The following SLC22A23 variants were observed in gnomAD, a reference collection of about 807,000 sequenced individuals.
SLC22A23 encodes the protein solute carrier family 22 member 23.
Under a neutral mutation model 61.0 loss-of-function variants are expected in SLC22A23, and 26 were observed. The observed-to-expected ratio is 0.43, with a 90% CI of 0.31 to 0.59. SLC22A23 has a LOEUF of 0.59. Ranked by LOEUF, SLC22A23 falls within the 20% of genes least tolerant of loss-of-function variation. SLC22A23 has a pLI of 0.11. For missense variants in SLC22A23, 796 were observed against 934.7 expected (o/e 0.85, Z 1.94); for synonymous variants, 430 against 413.9 (o/e 1.04, Z -0.47).
chr6:3,451,665 C>A (rs143087849), intron 1 of SLC22A23, among the ~76,000 whole-genome samples: 357 of 152,248 alleles, frequency 2.3e-3, no homozygotes, highest in African/African-American at 8.2e-3. Flanking sequence ...TGAGCTGCGG[C>A]CCTGTTTGTC....
chr6:3,327,371 C>G lies in SLC22A23; in HGVS notation c.914-3369G>C, dbSNP rs1429177133. Among the ~76,000 whole-genome samples the G allele has an allele frequency of 6.6e-6, 1 of 152,234 alleles. No homozygotes were observed. The highest frequency in any genetic ancestry group is 2.4e-5 in the African/African-American group (1 of 41,470). On this transcript the variant is annotated intron_variant, in intron 3 of 9. Transcript: ENST00000406686. This position sits in a 1 kb window ranked among gnomAD's most constrained non-coding sequence, Gnocchi z 4.1. ...ATTTCTTTGCCAATGGAACCAAACC[C>G]AAATCCTTTTAGTAGATTTTCATTC...
intron 3 of SLC22A23, among the ~76,000 whole-genome samples, chr6:3,367,310 T>C (rs1469542259): frequency 6.6e-6 from 1 of 152,226 alleles, no homozygotes; most frequent in East Asian, 1.9e-4. Context: ...TAGTTGGGTA[T>C]TCAAAGCCTA....
At chr6:3,452,978 G>A (rs1772227582) in intron 1 of SLC22A23, among the ~76,000 whole-genome samples, 1 of 152,180 alleles carries the variant, frequency 6.6e-6, no homozygotes, top group African/African-American at 2.4e-5. Flanking sequence ...ATCATGGTCT[G>A]GAAGCAGAAG....
In SLC22A23 at chr6:3,329,517, C is replaced by A. The variant is rs1763465287; in HGVS notation, c.914-5515G>T. Among the ~76,000 whole-genome samples the A allele has an allele frequency of 6.6e-6, 1 of 152,144 alleles. No individual in the cohort carries two copies. The highest frequency in any genetic ancestry group is 1.5e-5 in the Non-Finnish European group (1 of 68,036). ...GAGGACAGGAATTCACAGAATTGTGCCCGCGGAACAAAGCGTGCCATGCAG... is the reference window on the plus strand; with the variant it reads ...GAGGACAGGAATTCACAGAATTGTGACCGCGGAACAAAGCGTGCCATGCAG... On this transcript the variant is annotated intron_variant, in intron 3 of 9. Transcript: ENST00000406686. This position sits in a 1 kb window ranked among gnomAD's most constrained non-coding sequence, Gnocchi z 4.8.
intron 4 of SLC22A23, among the ~76,000 whole-genome samples, chr6:3,301,802 C>A (rs1314268040): frequency 1.3e-5 from 2 of 152,234 alleles, no homozygotes; most frequent in South Asian, 4.1e-4. Context: ...AAGTGTTACC[C>A]ACAGGGTGGG....
intron 4 of SLC22A23, among the ~76,000 whole-genome samples, chr6:3,302,140 C>G (rs1187404510): frequency 6.6e-6 from 1 of 152,188 alleles, no homozygotes; most frequent in Non-Finnish European, 1.5e-5. Context: ...TTCAGCCTTT[C>G]TATTTCCTCT....
chr6:3,340,035 T>C (rs1164294622), intron 3 of SLC22A23, among the ~76,000 whole-genome samples: 4 of 152,086 alleles, frequency 2.6e-5, no homozygotes, highest in Admixed American at 2.0e-4. Context: ...ATTAAAAATG[T>C]GTCCATGAGA....
intron 3 of SLC22A23, among the ~76,000 whole-genome samples, chr6:3,357,381 G>C (rs755524833): frequency 2.6e-5 from 4 of 152,282 alleles, no homozygotes; most frequent in African/African-American, 9.6e-5. Context: ...ATAGTGTAAG[G>C]ATTAATCGCC....
Position 3,333,885 on chromosome 6 carries a change from C to A in SLC22A23, c.914-9883G>T, listed in dbSNP as rs1763710894. 1.3e-5 allele frequency among the ~76,000 whole-genome samples: 2 copies of A among 152,244 alleles called. No homozygotes were observed. The highest frequency in any genetic ancestry group is 4.8e-5 in the African/African-American group (2 of 41,466). On this transcript the variant is annotated intron_variant, in intron 3 of 9. Coordinates refer to ENST00000406686, the MANE Select transcript of SLC22A23 (RefSeq NM_015482.2). The surrounding 1 kb of genome is among the most constrained non-coding windows in gnomAD (Gnocchi z 4.1). ...GCAGTAATTCTGATGCTGGCTCCAG[C>A]TGAAGAACCACTGCAGTATACTTTG...
rs140616219 is a variant in SLC22A23 at position 3,273,106 on chromosome 6, C to A, written c.2010G>T (p.Ala670=). 6.3e-7 allele frequency: 1 copy of A among 1,598,010 alleles called. No homozygotes were observed. The change falls in exon 10 of 10, where the codon GCG becomes GCT. Residue 670 remains alanine, a synonymous_variant. Transcript: ENST00000406686. The stretch of plus-strand genomic sequence containing the variant: ...TGGCACCCTCGGGCAGTGTGTCACC[C>A]GCGGCTGCGGCATCGTGGAGGCCCG... The part of the protein sequence containing the change: ...DYSGLHDAAA[A]GDTLPEGATA...
chr6:3,358,417 G>A (rs544325065), intron 3 of SLC22A23, among the ~76,000 whole-genome samples: 28 of 152,238 alleles, frequency 1.8e-4, no homozygotes, highest in Admixed American at 1.6e-3. Flanking sequence ...ATTCTGACAC[G>A]TACGACACGT....
At chr6:3,277,752 T>C (rs1160096821) in intron 9 of SLC22A23, among the ~76,000 whole-genome samples, 4 of 152,242 alleles carry the variant, frequency 2.6e-5, no homozygotes, top group East Asian at 1.9e-4. Context: ...ATTTCTAGAC[T>C]GGCCCCAGTA....
intron 3 of SLC22A23, among the ~76,000 whole-genome samples, chr6:3,392,588 C>A (rs1767732827): frequency 6.6e-6 from 1 of 152,104 alleles, no homozygotes; most frequent in African/African-American, 2.4e-5. Flanking sequence ...AAAGGCTTTG[C>A]CTCAGGGGGT....
At chr6:3,411,990 G>C (rs1327654590) in intron 2 of SLC22A23, among the ~76,000 whole-genome samples, 1 of 152,156 alleles carries the variant, frequency 6.6e-6, no homozygotes, top group Non-Finnish European at 1.5e-5. Flanking sequence ...CTAACATTTT[G>C]CATTACCCTT....
At chr6:3,307,119 C>A (rs73352953) in intron 4 of SLC22A23, among the ~76,000 whole-genome samples, 1 of 152,142 alleles carries the variant, frequency 6.6e-6, no homozygotes, top group African/African-American at 2.4e-5. Context: ...AGACGGCATA[C>A]GGCAGCGCTA....
intron 1 of SLC22A23, 98 bp downstream of exon 1, chr6:3,455,808 C>T: frequency 2.9e-6 from 4 of 1,387,686 alleles, no homozygotes; most frequent in African/African-American, 1.4e-5. Context: ...CACACTCTAG[C>T]ACCACCACTT....
At chr6:3,423,739 C>T (rs1770298613) in intron 1 of SLC22A23, among the ~76,000 whole-genome samples, 1 of 152,248 alleles carries the variant, frequency 6.6e-6, no homozygotes, top group Non-Finnish European at 1.5e-5. Flanking sequence ...AGACTGTTAA[C>T]TTGAGAAATT....
At position 3,427,887 on chromosome 6, in the gene SLC22A23, C is replaced by T. The variant is rs953743429; in HGVS notation, c.655-12032G>A. On this transcript the variant is annotated intron_variant, in intron 1 of 9. Transcript: ENST00000406686. The surrounding 1 kb of genome is among the most constrained non-coding windows in gnomAD (Gnocchi z 4.3). ...GAGTGTGACTGTGCAGGCTGGCTCC[C>T]GGCCCCCGCCCTCTGGTCGGGAGAG... Among the ~76,000 whole-genome samples the T allele has an allele frequency of 3.4e-4, 51 of 152,194 alleles. 1 individual carries two copies. The highest frequency in any genetic ancestry group is 2.0e-4 in the Admixed American group (3 of 15,288).
chr6:3,276,302 CAA>C (rs1221370411), intron 9 of SLC22A23, among the ~76,000 whole-genome samples: 1 of 152,206 alleles, frequency 6.6e-6, no homozygotes, highest in African/African-American at 2.4e-5. Context: ...CCCTAGGGGA[CAA>C]AGACTCGCTG....
Sources: allele counts gnomAD v4.1 joint callset (sites outside exome capture counted in the v4.1 genomes callset), GRCh38; gene constraint gnomAD v4.1.1; non-coding constraint Gnocchi (gnomAD v3.1); transcripts MANE v1.5; gene names NCBI Gene and HGNC (gene_info 2026-07-23, HGNC 2026-07-21).